The following LVRN variants were observed in gnomAD, a reference collection of about 807,000 sequenced individuals.
The protein encoded by LVRN is aminopeptidase Q.
Under a neutral mutation model 111.4 loss-of-function variants are expected in LVRN, and 99 were observed. The observed-to-expected ratio is 0.89, with a 90% CI of 0.76 to 1.05. The LOEUF (loss-of-function observed/expected upper bound fraction) is 1.05. Ranked by LOEUF, LVRN falls within the 50% of genes least tolerant of loss-of-function variation. The pLI, the probability that LVRN is intolerant of heterozygous loss-of-function variation, is 0.00. For synonymous variants in LVRN, 488 were observed against 449.5 expected (o/e 1.09, Z -1.08); for missense variants, 1,414 against 1,206.8 (o/e 1.17, Z -2.54).
intron 1 of LVRN, among the ~76,000 whole-genome samples, chr5:115,969,507 G>A (rs190827052): frequency 1.8e-4 from 28 of 152,030 alleles, no homozygotes; most frequent in African/African-American, 6.5e-4. Flanking sequence ...TTAAGATATT[G>A]TAATTTTTGG....
chr5:116,004,054 A>G (rs1460545803), intron 12 of LVRN, among the ~76,000 whole-genome samples: 1 of 152,222 alleles, frequency 6.6e-6, no homozygotes, highest in Non-Finnish European at 1.5e-5. Flanking sequence ...TTTATTCATC[A>G]TGAGGATTAG....
At chr5:116,025,923 T>C (rs1748853881) in intron 19 of LVRN, 55 bp from the exon 20 acceptor site, 1 of 1,597,302 alleles carries the variant, frequency 6.3e-7, no homozygotes. Flanking sequence ...AGACATTTAC[T>C]TTGTCCAAAT....
rs568492317 is a variant in LVRN, at chr5:116,027,035, C to T, written c.*917C>T. 3 of 152,172 alleles carry T rather than the reference C, an allele frequency of 2.0e-5. No homozygotes were observed. The highest frequency in any genetic ancestry group is 4.4e-5 in the Non-Finnish European group (3 of 68,024). 9.4% of individuals were successfully genotyped at this position (152,172 alleles called of 1,614,324 possible). ...GGAGCATAATCCTTACAGTTTTGCA[C>T]TCAGGGGATTAAGTTTGAAACATAG... On this transcript the variant is annotated 3_prime_UTR_variant, in exon 20 of 20. Coordinates refer to ENST00000357872, the MANE Select transcript of LVRN (RefSeq NM_173800.5).
chr5:115,968,422 C>G (rs1269945587), intron 1 of LVRN, among the ~76,000 whole-genome samples: 2 of 144,470 alleles, frequency 1.4e-5, no homozygotes, highest in Non-Finnish European at 3.0e-5. Context: ...ATTGAGCCAG[C>G]CTTAGTTCCC....
chr5:116,022,123 C>A, intron 18 of LVRN: 1 of 298,626 alleles, frequency 3.3e-6, no homozygotes, highest in Non-Finnish European at 6.2e-6. Flanking sequence ...ATTCCAACTA[C>A]CTCATTTTAA....
chr5:115,992,228 A>G lies in LVRN; in HGVS notation c.1211A>G (p.Glu404Gly), dbSNP rs1293047438. Residue 404 changes from glutamate (E) to glycine (G), a missense_variant, in exon 5 of 20, where the codon GAA becomes GGA. Glu to Gly is a moderately conservative substitution (Grantham distance 98). Transcript: ENST00000357872. ...LLLEPKDQLT[E>G]KKTLISYVVS... ...TTGGAACCAAAAGATCAACTGACAG[A>G]AAAAAAGACTCTGATCTCCTATGTT... The G allele has an allele frequency of 5.6e-6, 9 of 1,613,874 alleles. No homozygotes were observed. The highest frequency in any genetic ancestry group is 7.6e-6 in the Non-Finnish European group (9 of 1,179,810).
At chr5:115,994,298 G>A (rs560485288) in intron 6 of LVRN, among the ~76,000 whole-genome samples, 2 of 152,038 alleles carry the variant, frequency 1.3e-5, no homozygotes, top group African/African-American at 2.4e-5. Flanking sequence ...CTGGAGACAT[G>A]GTCTCGCTCT....
chr5:115,984,493 ATTGAC>A (rs1747803728), intron 2 of LVRN, 72 bp from the exon 3 acceptor site: 2 of 1,529,070 alleles, frequency 1.3e-6, no homozygotes, highest in African/African-American at 1.4e-5. Context: ...CTGGGTGACA[ATTGAC>A]TTGACAAATT....
At chr5:115,975,103 A>G (rs772480885) in intron 1 of LVRN, 15 of 388,378 alleles carry the variant, frequency 3.9e-5, no homozygotes, top group Non-Finnish European at 6.9e-5. Context: ...GTGTACCAGC[A>G]TAGACAAGCA....
intron 18 of LVRN, among the ~76,000 whole-genome samples, chr5:116,016,155 C>T (rs1467401162): frequency 3.9e-5 from 6 of 152,070 alleles, no homozygotes; most frequent in Admixed American, 3.9e-4. Flanking sequence ...AGTTTATATT[C>T]AGCAGTTTTG....
At chr5:115,996,850 T>C (rs1748123969) in intron 6 of LVRN, among the ~76,000 whole-genome samples, 1 of 152,150 alleles carries the variant, frequency 6.6e-6, no homozygotes. Context: ...GATGGTAAGC[T>C]GAGGCAGGCA....
intron 13 of LVRN, among the ~76,000 whole-genome samples, chr5:116,009,904 A>G (rs1748450793): frequency 6.6e-6 from 1 of 152,238 alleles, no homozygotes; most frequent in African/African-American, 2.4e-5. Context: ...CAAAACAGCA[A>G]GCAGGATGTG....
chr5:115,971,519 GT>G (rs541307885), intron 1 of LVRN, among the ~76,000 whole-genome samples: 94 of 152,100 alleles, frequency 6.2e-4, no homozygotes, highest in African/African-American at 2.0e-3. Context: ...GGATTAAAGA[GT>G]TTTTTTGCCT....
intron 10 of LVRN, among the ~76,000 whole-genome samples, chr5:116,001,688 C>T (rs191693321): frequency 1.0e-3 from 156 of 152,212 alleles, no homozygotes; most frequent in Admixed American, 1.7e-3. Flanking sequence ...GGGGTGTGCA[C>T]GGATGTGTGT....
chr5:115,974,774 A>T, intron 1 of LVRN: 1 of 204,642 alleles, frequency 4.9e-6, no homozygotes, highest in Non-Finnish European at 1.0e-5. Context: ...AATTATAGAT[A>T]TCTGTAATAT....
rs1175403751 is a variant in LVRN, at chr5:115,998,221, A to T, written c.1375-1541A>T. Reference sequence around the variant, plus strand: ...AAGGTTTTTCTTTTGCAAAAGTTTTATCTGCTGTACTTTGAAAAGAAGAAA... The same window carrying T: ...AAGGTTTTTCTTTTGCAAAAGTTTTTTCTGCTGTACTTTGAAAAGAAGAAA... On this transcript the variant is annotated intron_variant, in intron 6 of 19. Coordinates refer to ENST00000357872, the MANE Select transcript of LVRN (RefSeq NM_173800.5). Among the ~76,000 whole-genome samples, 10 of 148,296 alleles carry T rather than the reference A, an allele frequency of 6.7e-5. No individual in the cohort carries two copies. The East Asian group carries it at 2.0e-3, about 30-fold the overall frequency.
chr5:116,017,326 G>C (rs1278655168), intron 18 of LVRN, among the ~76,000 whole-genome samples: 1 of 152,182 alleles, frequency 6.6e-6, no homozygotes, highest in Non-Finnish European at 1.5e-5. Context: ...GTTTTATTTT[G>C]TGTGCTCTTC....
chr5:116,019,855 G>A (rs1217581193), intron 18 of LVRN: 1 of 152,140 alleles, frequency 6.6e-6, no homozygotes, highest in Non-Finnish European at 1.5e-5. Flanking sequence ...CTTGGCCCTG[G>A]GCATGAAGTG....
intron 14 of LVRN, among the ~76,000 whole-genome samples, 184 bp downstream of exon 14, chr5:116,011,078 C>A (rs1748480588): frequency 1.1e-5 from 1 of 90,494 alleles, no homozygotes. Context: ...GAAGAAAATA[C>A]CTTAGTCATA....
Sources: allele counts gnomAD v4.1 joint callset (sites outside exome capture counted in the v4.1 genomes callset), GRCh38; gene constraint gnomAD v4.1.1; transcripts MANE v1.5; gene names NCBI Gene and HGNC (gene_info 2026-07-23, HGNC 2026-07-21).